The following ZNF45 variants were observed in gnomAD, a reference collection of about 807,000 sequenced individuals.
ZNF45 encodes the protein zinc finger protein 45.
Under a neutral mutation model 12.0 loss-of-function variants are expected in ZNF45, and 4 were observed. The observed-to-expected ratio is 0.33, with a 90% CI of 0.16 to 0.76. The LOEUF (loss-of-function observed/expected upper bound fraction) is 0.76, where lower values mean the gene tolerates loss of function less well. Ranked by LOEUF, ZNF45 falls within the 30% of genes least tolerant of loss-of-function variation. ZNF45 has a pLI of 0.60. For synonymous variants in ZNF45, 272 were observed against 279.6 expected (o/e 0.97, Z 0.27); for missense variants, 700 against 813.0 (o/e 0.86, Z 1.69).
chr19:43,918,845 T>C (rs754336546), intron 9 of ZNF45, 25 bp downstream of exon 9: 2 of 1,598,862 alleles, frequency 1.3e-6, no homozygotes, highest in Non-Finnish European at 1.7e-6. Flanking sequence ...CAGAAAAATG[T>C]CCAGCAGCCC....
intron 9 of ZNF45, among the ~76,000 whole-genome samples, chr19:43,918,272 A>G (rs548228667): frequency 6.6e-6 from 1 of 152,346 alleles, no homozygotes; most frequent in South Asian, 2.1e-4. Context: ...CACTATTAAC[A>G]GCTACAGGAA....
intron 6 of ZNF45, 69 bp from the exon 7 acceptor site, chr19:43,922,286 C>T: frequency 1.8e-6 from 2 of 1,122,312 alleles, no homozygotes; most frequent in Non-Finnish European, 2.5e-6. Flanking sequence ...AAAAAAAAAC[C>T]ATAGCTGTTT....
intron 9 of ZNF45, among the ~76,000 whole-genome samples, chr19:43,915,491 T>C (rs1972570391): frequency 6.6e-6 from 1 of 152,162 alleles, no homozygotes; most frequent in South Asian, 2.1e-4. Context: ...TTTCAGAAAA[T>C]ACCTTATCAC....
intron 6 of ZNF45, among the ~76,000 whole-genome samples, chr19:43,923,457 A>G (rs1973385799): frequency 6.6e-6 from 1 of 152,180 alleles, no homozygotes; most frequent in Non-Finnish European, 1.5e-5. Flanking sequence ...TGCCTAATTT[A>G]TAAATTAAGC....
chr19:43,918,062 G>A (rs1398109041), intron 9 of ZNF45, among the ~76,000 whole-genome samples: 3 of 152,162 alleles, frequency 2.0e-5, no homozygotes, highest in Admixed American at 2.0e-4. Context: ...CTACTAAAAT[G>A]ATAAGTAATA....
intron 6 of ZNF45, among the ~76,000 whole-genome samples, 195 bp downstream of exon 6, chr19:43,924,043 A>G (rs1371262114): frequency 6.6e-6 from 1 of 152,132 alleles, no homozygotes; most frequent in East Asian, 1.9e-4. Flanking sequence ...ACTATCATAG[A>G]GACAGAGAAA....
At chr19:43,933,104 C>T (rs1974266793) in intron 2 of ZNF45, among the ~76,000 whole-genome samples, 1 of 152,154 alleles carries the variant, frequency 6.6e-6, no homozygotes, top group Non-Finnish European at 1.5e-5. Context: ...TATAATCCAG[C>T]CAATTTGTAG....
In ZNF45 at chr19:43,922,293, GTTT is replaced by G. The variant is rs1029295090; in HGVS notation, c.-32-79_-32-77del. 20 of 1,036,112 alleles carry G rather than the reference GTTT, an allele frequency of 1.9e-5. No individual in the cohort carries two copies. The African/African-American group carries it at 2.9e-4, about 15-fold the overall frequency. 64.2% of individuals were successfully genotyped at this position (1,036,112 alleles called of 1,614,324 possible). ...TTTGGCCAAAAAAAAAACCATAGCT[GTTT>G]TTTTGTTTTGTTTTGTTTTTTTTAA... On this transcript the variant is annotated intron_variant, in intron 6 of 9. Coordinates refer to ENST00000269973, the MANE Select transcript of ZNF45 (RefSeq NM_003425.4).
rs376069 is a variant in ZNF45, at chr19:43,913,143, T to C, written c.*244A>G. On this transcript the variant is annotated 3_prime_UTR_variant, in exon 10 of 10. Transcript: ENST00000269973. The stretch of plus-strand genomic sequence containing the variant: ...CTAGTGGAACAGAATTCAGCATTTC[T>C]ATCTTAGTACTTCTGATTTACTCCA... 0.51 allele frequency: 193,486 copies of C among 378,778 alleles called. 52,146 individuals carry two copies. Among genetic ancestry groups the C allele is most frequent in the East Asian group, 0.83 (21,376 of 25,668 alleles). 23.5% of individuals were successfully genotyped at this position (378,778 alleles called of 1,614,324 possible).
chr19:43,922,823 T>TG (rs1246831752), intron 6 of ZNF45, among the ~76,000 whole-genome samples: 1 of 132,210 alleles, frequency 7.6e-6, no homozygotes, highest in Admixed American at 7.6e-5. Context: ...ATTCTTTGTT[T>TG]TTTTTTTTTT....
chr19:43,913,422 G>C lies in ZNF45; in HGVS notation c.2014C>G (p.Pro672Ala). 6.4e-7 allele frequency: 1 copy of C among 1,564,942 alleles called. No individual in the cohort carries two copies. Among genetic ancestry groups the C allele is most frequent in the Non-Finnish European group, 8.6e-7 (1 of 1,156,414 alleles). Residue 672 changes from proline to alanine, a missense_variant, in exon 10 of 10, where the codon CCT (proline) becomes GCT (alanine). By Grantham distance (27) the Pro-to-Ala change is conservative (BLOSUM62 -1). Transcript: ENST00000269973. ...HADDEGDKDF[P>A]SSEDSHRKTR The stretch of plus-strand genomic sequence containing the variant: ...TTCCTGTGTGAATCCTCTGATGAAG[G>C]AAAGTCCTTGTCACCCTCATCATCA...
intron 3 of ZNF45, among the ~76,000 whole-genome samples, chr19:43,928,855 C>G (rs1973899883): frequency 6.6e-6 from 1 of 152,222 alleles, no homozygotes; most frequent in African/African-American, 2.4e-5. Flanking sequence ...ACCCAGGCCA[C>G]TCATAAAATA....
At chr19:43,916,423 G>A (rs1972683336) in intron 9 of ZNF45, among the ~76,000 whole-genome samples, 1 of 152,120 alleles carries the variant, frequency 6.6e-6, no homozygotes, top group African/African-American at 2.4e-5. Context: ...GCCCAGTGAT[G>A]CCTCTTTATC....
Position 43,914,876 on chromosome 19 carries a change from G to T in ZNF45, c.560C>A (p.Ala187Glu), listed in dbSNP as rs766747847. Residue 187 changes from alanine to glutamate, a missense_variant, in exon 10 of 10, where the codon GCA becomes GAA. Ala to Glu is a moderately radical substitution (Grantham distance 107). Coordinates refer to ENST00000269973, the MANE Select transcript of ZNF45 (RefSeq NM_003425.4). ...SHLQINQRAH[A>E]GEKPYKCEKC... ...TTCACATTTGTAGGGCTTCTCTCCT[G>T]CATGAGCCCTTTGGTTAATTTGAAG... The T allele has an allele frequency of 1.2e-6, 2 of 1,613,562 alleles. No individual in the cohort carries two copies. The highest frequency in any genetic ancestry group is 3.3e-5 in the Admixed American group (2 of 60,006).
intron 3 of ZNF45, among the ~76,000 whole-genome samples, chr19:43,929,754 G>T (rs1198718743): frequency 6.6e-6 from 1 of 152,144 alleles, no homozygotes; most frequent in African/African-American, 2.4e-5. Context: ...CCAGCCTGTA[G>T]AATTATCCAA....
At position 43,918,467 on chromosome 19, in the gene ZNF45, A is replaced by G. The variant is rs140637383; in HGVS notation, c.235+403T>C. Among the ~76,000 whole-genome samples the G allele has an allele frequency of 2.0e-5, 3 of 152,290 alleles. No individual in the cohort carries two copies. In the East Asian group the frequency reaches 5.8e-4, roughly 29 times the overall value. On this transcript the variant is annotated intron_variant, in intron 9 of 9. Transcript: ENST00000269973. The stretch of plus-strand genomic sequence containing the variant: ...TTTCATGAATAGGATTAGTGCCCTT[A>G]TAAAAGAGGCCTGAGAGAGATTTCT...
rs1335627050 is a variant in ZNF45 at position 43,934,965 on chromosome 19, G to C, written c.-797C>G. ...AGGAAGCTACAGAGCTGTGGGAGGT[G>C]GGGGAAGGCGGGTCGGGCCGCTGAG... On this transcript the variant is annotated 5_prime_UTR_variant, in exon 1 of 10. Coordinates refer to ENST00000269973, the MANE Select transcript of ZNF45 (RefSeq NM_003425.4). 1.3e-5 allele frequency: 2 copies of C among 152,294 alleles called. No individual in the cohort carries two copies. Among genetic ancestry groups the C allele is most frequent in the African/African-American group, 2.4e-5 (1 of 41,462 alleles). 9.4% of individuals were successfully genotyped at this position (152,294 alleles called of 1,614,324 possible). A position where few individuals can be genotyped will look rare whatever the true frequency, so the allele number is the denominator to read the frequency against.
At chr19:43,915,233 A>C in intron 9 of ZNF45, 33 bp from the exon 10 acceptor site, 2 of 1,460,370 alleles carry the variant, frequency 1.4e-6, no homozygotes, top group Non-Finnish European at 1.8e-6. Context: ...GAGATGGGGC[A>C]TGTGAATAAT....
At chr19:43,918,700 C>T (rs1029418326) in intron 9 of ZNF45, among the ~76,000 whole-genome samples, 170 bp downstream of exon 9, 1 of 152,160 alleles carries the variant, frequency 6.6e-6, no homozygotes, top group Non-Finnish European at 1.5e-5. Context: ...TTAATGAATA[C>T]AGATCTTCAT....
Sources: gnomAD v4.1 joint callset for allele counts (sites outside exome capture counted in the v4.1 genomes callset) on GRCh38, gnomAD v4.1.1 for gene constraint, MANE v1.5 for transcripts, NCBI Gene and HGNC (gene_info 2026-07-23, HGNC 2026-07-21) for gene names.